The following PIGR variants were observed in gnomAD, a reference collection of about 807,000 sequenced individuals.
PIGR encodes the protein polymeric immunoglobulin receptor.
Under a neutral mutation model 69.5 loss-of-function variants are expected in PIGR, and 22 were observed. The observed-to-expected ratio is 0.32, with a 90% CI of 0.23 to 0.45. The LOEUF (loss-of-function observed/expected upper bound fraction) is 0.45. Ranked by LOEUF, PIGR falls within the 20% of genes least tolerant of loss-of-function variation. PIGR has a pLI of 1.00. For missense variants in PIGR, 885 were observed against 974.0 expected, an observed-to-expected ratio of 0.91 and a Z score of 1.22; for synonymous variants, 413 against 407.6, an observed-to-expected ratio of 1.01 and a Z score of -0.16.
chr1:206,935,919 G>C lies in PIGR; in HGVS notation c.1046-101C>G. On this transcript the variant is annotated intron_variant, in intron 4 of 10. Coordinates refer to ENST00000356495, the MANE Select transcript of PIGR (RefSeq NM_002644.4). The surrounding 1 kb of genome is among the most constrained non-coding windows in gnomAD (Gnocchi z 4.4). Reference sequence around the variant, plus strand: ...CCCGGGGTCTCAGCCAGGATGGGGAGTGAAGTTTACACGCATCACCTTACC... The same window carrying C: ...CCCGGGGTCTCAGCCAGGATGGGGACTGAAGTTTACACGCATCACCTTACC... 1 of 836,326 alleles carries C rather than the reference G, an allele frequency of 1.2e-6. No homozygotes were observed. The highest frequency in any genetic ancestry group is 1.7e-5 in the South Asian group (1 of 58,230). 51.8% of individuals were successfully genotyped at this position (836,326 alleles called of 1,614,324 possible). A position where few individuals can be genotyped will look rare whatever the true frequency, so the allele number is the denominator to read the frequency against.
chr1:206,939,155 CT>C lies in PIGR; in HGVS notation c.351del (p.Gly118AlafsTer17), dbSNP rs767793160. ...TCCAGGCTGACATCAAAGGACAGGC[CT>C]CGGCTATTGATGCCCAGGCCACACT... is the stretch of plus-strand genomic sequence containing the variant. ...RYKCGLGINSRGLSFDVSLEV... is the reference protein window; with the variant it reads ...RYKCGLGINSXGLSFDVSLEV... On this transcript the variant is annotated frameshift_variant, in exon 3 of 11. Transcript: ENST00000356495. LOFTEE classifies it high-confidence loss of function. 1 of 1,613,638 alleles carries C rather than the reference CT, an allele frequency of 6.2e-7. No individual in the cohort carries two copies. Among genetic ancestry groups the C allele is most frequent in the South Asian group, 1.1e-5 (1 of 91,060 alleles).
Position 206,935,429 on chromosome 1 carries a change from G to T in PIGR, c.1378+57C>A, listed in dbSNP as rs1679843762. On this transcript the variant is annotated intron_variant, in intron 5 of 10. Transcript: ENST00000356495. The surrounding 1 kb of genome is among the most constrained non-coding windows in gnomAD (Gnocchi z 4.4). Reference sequence around the variant, plus strand: ...TGAAAAAGGAGGAAGAGTGGTTGGGGATGCTGCTGCTGGCTGGAGAGGTTT... The same window carrying T: ...TGAAAAAGGAGGAAGAGTGGTTGGGTATGCTGCTGCTGGCTGGAGAGGTTT... 1 of 1,412,708 alleles carries T rather than the reference G, an allele frequency of 7.1e-7. No homozygotes were observed. Among genetic ancestry groups the T allele is most frequent in the Non-Finnish European group, 9.8e-7 (1 of 1,019,020 alleles). The allele number at this position is 1,412,708 out of a possible 1,614,324, so 87.5% of individuals were successfully genotyped here.
Position 206,930,657 on chromosome 1 carries a change from G to A in PIGR, c.2200-244C>T. 1.0e-6 allele frequency: 1 copy of A among 985,328 alleles called. No homozygotes were observed. Among genetic ancestry groups the A allele is most frequent in the Non-Finnish European group, 1.2e-6 (1 of 829,918 alleles). 61.0% of individuals were successfully genotyped at this position (985,328 alleles called of 1,614,324 possible). On this transcript the variant is annotated intron_variant, in intron 10 of 10. Coordinates refer to ENST00000356495, the MANE Select transcript of PIGR (RefSeq NM_002644.4). The surrounding 1 kb of genome is among the most constrained non-coding windows in gnomAD (Gnocchi z 4.3). ...CTACCTCCTTCTGACACACGGAGTG[G>A]AACCGCCTCTGTTGCCCGGGCCTGT...
chr1:206,936,543 G>C (rs1330396078), intron 4 of PIGR, among the ~76,000 whole-genome samples: 3 of 152,236 alleles, frequency 2.0e-5, no homozygotes, highest in African/African-American at 7.2e-5. Context: ...AGAAGGAGCT[G>C]GGATTTAATT....
chr1:206,942,805 C>T (rs1331384272), intron 1 of PIGR, among the ~76,000 whole-genome samples: 1 of 152,184 alleles, frequency 6.6e-6, no homozygotes, highest in Non-Finnish European at 1.5e-5. Context: ...TCTGCATGGT[C>T]TCAAGCCAGG....
intron 1 of PIGR, among the ~76,000 whole-genome samples, chr1:206,944,213 G>C (rs1683225): frequency 6.6e-6 from 1 of 152,054 alleles, no homozygotes; most frequent in South Asian, 2.1e-4. Flanking sequence ...AGTGGCTCAC[G>C]CCTGTAATCC....
rs1438791452 is a variant in PIGR, at chr1:206,937,161, C to T, written c.979G>A (p.Ala327Thr). The change falls in exon 4 of 11, where the codon GCC becomes ACC. Residue 327 changes from alanine (A) to threonine (T), a missense_variant. By Grantham distance (58) the Ala-to-Thr change is moderately conservative. Transcript: ENST00000356495. ...TCCTGCAGCTGACCATCCGAATGGG[C>T]TCCACACAGGTAGCGCCCTGCATCC... ...KEDAGRYLCG[A>T]HSDGQLQEGS... is the part of the protein sequence containing the mutation. The T allele has an allele frequency of 2.5e-6, 4 of 1,613,730 alleles. No individual in the cohort carries two copies. Among genetic ancestry groups the T allele is most frequent in the African/African-American group, 1.3e-5 (1 of 75,046 alleles).
chr1:206,931,213 T>G (rs1357710596), intron 10 of PIGR: 1 of 985,342 alleles, frequency 1.0e-6, no homozygotes, highest in Non-Finnish European at 1.2e-6. Context: ...TTCCCATCTT[T>G]TATGCACCTG....
rs747336141 is a variant in PIGR, at chr1:206,932,568, T to C, written c.1896A>G (p.Glu632=). 6 of 1,612,896 alleles carry C rather than the reference T, an allele frequency of 3.7e-6. No homozygotes were observed. The highest frequency in any genetic ancestry group is 5.1e-6 in the Non-Finnish European group (6 of 1,179,484). ...CCAGCGCTCTGGAGCTTCCACCTTG[T>C]TCCTCAGAGCTGGAAGAAGGCTTAA... is the stretch of plus-strand genomic sequence containing the variant. ...RASVDSGSSE[E]QGGSSRALVS... Residue 632 remains glutamate, a synonymous_variant, in exon 8 of 11, where the codon GAA becomes GAG. Coordinates refer to ENST00000356495, the MANE Select transcript of PIGR (RefSeq NM_002644.4).
intron 7 of PIGR, 57 bp from the exon 8 acceptor site, chr1:206,932,634 TG>T: frequency 6.5e-7 from 1 of 1,546,810 alleles, no homozygotes; most frequent in Non-Finnish European, 8.7e-7. Flanking sequence ...GGCCCGACGA[TG>T]TGCTGGCAAG....
rs758654407 is a variant in PIGR at position 206,939,315 on chromosome 1, G to A, written c.192C>T (p.Cys64=). 3 of 1,614,258 alleles carry A rather than the reference G, an allele frequency of 1.9e-6. No individual in the cohort carries two copies. The highest frequency in any genetic ancestry group is 2.5e-6 in the Non-Finnish European group (3 of 1,180,056). The change falls in exon 3 of 11, where the codon TGC becomes TGT. Residue 64 remains cysteine, a synonymous_variant. Coordinates refer to ENST00000356495, the MANE Select transcript of PIGR (RefSeq NM_002644.4). ...YWCRQGARGG[C]ITLISSEGYV... ...AGCCCTCCGAGGAGATGAGGGTTAT[G>A]CAGCCACCTCTAGCTCCCTGCCGGC...
rs1679879011 is a variant in PIGR at position 206,937,141 on chromosome 1, C to T, written c.999G>A (p.Leu333=). The change falls in exon 4 of 11, where the codon CTG becomes CTA. Residue 333 remains leucine, a synonymous_variant. Transcript: ENST00000356495. The part of the protein sequence containing the change: ...YLCGAHSDGQ[L]QEGSPIQAWQ... ...AGGCCTGGATAGGCGAGCCTTCCTG[C>T]AGCTGACCATCCGAATGGGCTCCAC... is the stretch of plus-strand genomic sequence containing the variant. The T allele has an allele frequency of 6.2e-7, 1 of 1,612,150 alleles. No homozygotes were observed. Among genetic ancestry groups the T allele is most frequent in the Non-Finnish European group, 8.5e-7 (1 of 1,179,040 alleles).
intron 3 of PIGR, 112 bp downstream of exon 3, chr1:206,939,006 AC>A: frequency 2.2e-6 from 2 of 913,830 alleles, no homozygotes; most frequent in Non-Finnish European, 1.7e-6. Flanking sequence ...GTGCCTTCTG[AC>A]CCCCAACCCG....
At chr1:206,938,070 A>G (rs1679902954) in intron 3 of PIGR, among the ~76,000 whole-genome samples, 1 of 152,212 alleles carries the variant, frequency 6.6e-6, no homozygotes, top group African/African-American at 2.4e-5. Flanking sequence ...TGTTTTTCTC[A>G]TGTTTGACCC....
chr1:206,935,434 T>C lies in PIGR; in HGVS notation c.1378+52A>G. On this transcript the variant is annotated intron_variant, in intron 5 of 10. Transcript: ENST00000356495. The surrounding 1 kb of genome is among the most constrained non-coding windows in gnomAD (Gnocchi z 4.4). ...AAGGAGGAAGAGTGGTTGGGGATGC[T>C]GCTGCTGGCTGGAGAGGTTTTAGAG... The C allele has an allele frequency of 6.9e-7, 1 of 1,454,954 alleles. No individual in the cohort carries two copies. The highest frequency in any genetic ancestry group is 9.5e-7 in the Non-Finnish European group (1 of 1,055,006). 90.1% of individuals were successfully genotyped at this position (1,454,954 alleles called of 1,614,324 possible). A position where few individuals can be genotyped will look rare whatever the true frequency, so the allele number is the denominator to read the frequency against.
At position 206,935,470 on chromosome 1, in the gene PIGR, C is replaced by T. The variant is rs1679844826; in HGVS notation, c.1378+16G>A. 3.1e-6 allele frequency: 5 copies of T among 1,594,244 alleles called. No homozygotes were observed. Among genetic ancestry groups the T allele is most frequent in the Non-Finnish European group, 2.6e-6 (3 of 1,165,354 alleles). ...GGAGAGGTTTTAGAGCTTTCTCCCT[C>T]CCTGTCAACTCCTACCTTCGATAAT... On this transcript the variant is annotated intron_variant, in intron 5 of 10. Transcript: ENST00000356495. This position sits in a 1 kb window ranked among gnomAD's most constrained non-coding sequence, Gnocchi z 4.4.
At chr1:206,933,198 A>G (rs779129019) in intron 6 of PIGR, 32 bp from the exon 7 acceptor site, 2 of 1,607,558 alleles carry the variant, frequency 1.2e-6, no homozygotes, top group Non-Finnish European at 1.7e-6. Context: ...CTGGGTTGTG[A>G]TTTTTCTCTA....
At chr1:206,936,620 T>C (rs963957244) in intron 4 of PIGR, among the ~76,000 whole-genome samples, 6 of 152,122 alleles carry the variant, frequency 3.9e-5, no homozygotes, top group African/African-American at 1.4e-4. Flanking sequence ...AATTCACAAA[T>C]AACCCTACGA....
chr1:206,939,498 C>A, intron 2 of PIGR, 35 bp from the exon 3 acceptor site: 1 of 1,486,894 alleles, frequency 6.7e-7, no homozygotes, highest in Non-Finnish European at 9.2e-7. Flanking sequence ...TTCTGAGGCC[C>A]TTGGGAGGTA....
Sources: gnomAD v4.1 joint callset for allele counts (sites outside exome capture counted in the v4.1 genomes callset) on GRCh38, gnomAD v4.1.1 for gene constraint, Gnocchi (gnomAD v3.1) non-coding constraint, MANE v1.5 for transcripts, NCBI Gene and HGNC (gene_info 2026-07-23, HGNC 2026-07-21) for gene names.